EBF2: variants seen among roughly 807,000 people sequenced by gnomAD.
EBF2 encodes transcription factor COE2.
A neutral mutation model predicts 72.8 loss-of-function variants in EBF2; 21 were observed. The observed-to-expected ratio is 0.29, with a 90% confidence interval of 0.20 to 0.42. EBF2 has a LOEUF of 0.42. EBF2 is among the 10% of genes least tolerant of loss of function. The pLI, the probability that EBF2 is intolerant of heterozygous loss-of-function variation, is 1.00. For synonymous variants in EBF2, 299 were observed against 274.2 expected (o/e 1.09, Z -0.89); for missense variants, 637 against 731.2 (o/e 0.87, Z 1.49).
chr8:25,965,765 C>T lies in EBF2; in HGVS notation c.552-57210G>A, dbSNP rs373505354. Among the ~76,000 whole-genome samples the T allele has an allele frequency of 2.6e-5, 4 of 152,310 alleles. 1 individual carries two copies. In the East Asian group the frequency reaches 5.8e-4, roughly 22 times the overall value. ...ACTCACTGTAGGGCCCTAGAGTCAC[C>T]TCTTGAGGCAGTCACCACAGCTCTC... On this transcript the variant is annotated intron_variant, in intron 6 of 15. Coordinates refer to ENST00000520164, the MANE Select transcript of EBF2 (RefSeq NM_022659.4).
intron 6 of EBF2, among the ~76,000 whole-genome samples, chr8:25,941,172 C>T (rs1035696458): frequency 2.6e-5 from 4 of 151,526 alleles, no homozygotes; most frequent in Non-Finnish European, 5.9e-5. Flanking sequence ...CTGGGGCCTC[C>T]CCACCCCCAA....
intron 6 of EBF2, among the ~76,000 whole-genome samples, chr8:25,943,171 C>T (rs1803707268): frequency 6.6e-6 from 1 of 151,880 alleles, no homozygotes; most frequent in Non-Finnish European, 1.5e-5. Flanking sequence ...GTTGAAACAT[C>T]TCATTTAAAA....
intron 6 of EBF2, among the ~76,000 whole-genome samples, chr8:25,965,488 T>A (rs111529912): frequency 1.1e-3 from 163 of 152,240 alleles, no homozygotes; most frequent in African/African-American, 3.6e-3. Flanking sequence ...TCCTCTATAT[T>A]TTCTCAGTTG....
At chr8:26,026,431 T>G (rs747484907) in intron 6 of EBF2, among the ~76,000 whole-genome samples, 1 of 152,148 alleles carries the variant, frequency 6.6e-6, no homozygotes, top group South Asian at 2.1e-4. Flanking sequence ...ATTTGACAAA[T>G]AGGGGAACTG....
At chr8:26,013,221 G>A (rs184385846) in intron 6 of EBF2, among the ~76,000 whole-genome samples, 66 of 152,202 alleles carry the variant, frequency 4.3e-4, no homozygotes, top group African/African-American at 1.3e-3. Context: ...TGACGATGAC[G>A]TCCCCATTAG....
chr8:26,020,446 G>C (rs551108965), intron 6 of EBF2, among the ~76,000 whole-genome samples: 28 of 152,178 alleles, frequency 1.8e-4, no homozygotes, highest in Non-Finnish European at 3.5e-4. Context: ...TCTTCATCGG[G>C]GAATGAAAAG....
At chr8:26,040,213 G>A (rs1271168507) in intron 4 of EBF2, 112 bp from the exon 5 acceptor site, 23 of 1,160,142 alleles carry the variant, frequency 2.0e-5, no homozygotes, top group Non-Finnish European at 2.8e-5. Context: ...ACCTGCCACC[G>A]CATTAGGAAT....
intron 10 of EBF2, among the ~76,000 whole-genome samples, chr8:25,879,640 C>T (rs1215025449): frequency 6.6e-6 from 1 of 152,180 alleles, no homozygotes; most frequent in South Asian, 2.1e-4. Context: ...ACAGCCCACT[C>T]TCCTGGTTTC....
chr8:25,993,344 G>T (rs1804575159), intron 6 of EBF2, among the ~76,000 whole-genome samples: 2 of 152,188 alleles, frequency 1.3e-5, no homozygotes, highest in South Asian at 4.1e-4. Context: ...CAGACTTCCA[G>T]TTCAAAATGA....
intron 6 of EBF2, among the ~76,000 whole-genome samples, chr8:25,920,292 C>T (rs903971201): frequency 6.6e-6 from 1 of 152,194 alleles, no homozygotes; most frequent in African/African-American, 2.4e-5. Context: ...TAGTCAGGAA[C>T]ATGTGCACGT....
intron 15 of EBF2, among the ~76,000 whole-genome samples, chr8:25,846,996 C>T (rs1801854301): frequency 6.6e-6 from 1 of 152,146 alleles, no homozygotes; most frequent in Non-Finnish European, 1.5e-5. Flanking sequence ...ATTTCACTCT[C>T]ATTGTCCCTG....
rs560438848 is a variant in EBF2, at chr8:25,916,218, G to A, written c.552-7663C>T. 1.5e-3 allele frequency among the ~76,000 whole-genome samples: 220 copies of A among 150,686 alleles called. 1 individual carries two copies. The highest frequency in any genetic ancestry group is 1.3e-3 in the African/African-American group (53 of 41,080). On this transcript the variant is annotated intron_variant, in intron 6 of 15. Coordinates refer to ENST00000520164, the MANE Select transcript of EBF2 (RefSeq NM_022659.4). ...CGAGAATCACTTGAATCTGGGAGGC[G>A]GAGTTTGTAGTGAGCCAAGATTGTG...
chr8:25,860,511 G>T (rs1178358012), intron 13 of EBF2, among the ~76,000 whole-genome samples: 7 of 148,220 alleles, frequency 4.7e-5, no homozygotes, highest in Non-Finnish European at 1.0e-4. Context: ...TTTGAGACAG[G>T]TTCTCGCTCT....
chr8:25,927,869 C>T (rs906539540), intron 6 of EBF2, among the ~76,000 whole-genome samples: 5 of 152,074 alleles, frequency 3.3e-5, no homozygotes, highest in East Asian at 1.9e-4. Flanking sequence ...GAGAAATCCC[C>T]GACTTTTCTA....
intron 6 of EBF2, among the ~76,000 whole-genome samples, chr8:25,972,429 G>A (rs1804204999): frequency 6.6e-6 from 1 of 152,068 alleles, no homozygotes; most frequent in Non-Finnish European, 1.5e-5. Flanking sequence ...GTGTGGCTTG[G>A]GAGGATCAAA....
intron 6 of EBF2, among the ~76,000 whole-genome samples, chr8:25,922,263 C>A (rs1421004482): frequency 8.2e-5 from 12 of 145,510 alleles, no homozygotes; most frequent in Non-Finnish European, 1.2e-4. Context: ...AAAAAAAAAA[C>A]AAACAAAAAA....
At chr8:25,896,567 G>A (rs1014407212) in intron 7 of EBF2, among the ~76,000 whole-genome samples, 4 of 152,062 alleles carry the variant, frequency 2.6e-5, no homozygotes, top group Admixed American at 6.6e-5. Context: ...ATAACTGTTC[G>A]GTTGCCATAT....
intron 6 of EBF2, among the ~76,000 whole-genome samples, chr8:25,930,771 G>A (rs1803466003): frequency 6.6e-6 from 1 of 152,120 alleles, no homozygotes; most frequent in Non-Finnish European, 1.5e-5. Flanking sequence ...GTACATTTGA[G>A]GATGAAAGAG....
At chr8:25,944,937 A>G (rs1803740958) in intron 6 of EBF2, among the ~76,000 whole-genome samples, 1 of 152,078 alleles carries the variant, frequency 6.6e-6, no homozygotes, top group Non-Finnish European at 1.5e-5. Flanking sequence ...ACCAGTGTTC[A>G]GGACTGCTCT....
Sources: allele counts gnomAD v4.1 joint callset (sites outside exome capture counted in the v4.1 genomes callset), GRCh38; gene constraint gnomAD v4.1.1; transcripts MANE v1.5; gene names NCBI Gene and HGNC (gene_info 2026-07-23, HGNC 2026-07-21).